Variants in USP13 observed in about 807,000 individuals in gnomAD.
USP13 encodes the protein ubiquitin carboxyl-terminal hydrolase 13.
Under a neutral mutation model 107.8 loss-of-function variants are expected in USP13, and 68 were observed. The ratio of observed to expected loss-of-function variants is 0.63; its 90% CI spans 0.52 to 0.77. The LOEUF (loss-of-function observed/expected upper bound fraction) is 0.77. Among genes scored for constraint, USP13 ranks in the 30% least tolerant of loss-of-function variants. The pLI is 0.00. For synonymous variants in USP13, 377 were observed against 389.5 expected (o/e 0.97, Z 0.38); for missense variants, 945 against 1,093.3 (o/e 0.86, Z 1.91).
intron 1 of USP13, among the ~76,000 whole-genome samples, chr3:179,664,926 A>G (rs1720543750): frequency 6.6e-6 from 1 of 152,154 alleles, no homozygotes; most frequent in South Asian, 2.1e-4. Context: ...CGTCTCTACT[A>G]AAAATACAAA....
chr3:179,758,759 A>G (rs187875527), intron 16 of USP13, among the ~76,000 whole-genome samples: 1,634 of 152,076 alleles, frequency 0.011, 27 homozygotes, highest in African/African-American at 0.037. Context: ...CGGCCTCCCA[A>G]CGTGCTGGGA....
chr3:179,694,026 C>T (rs1475625536), intron 3 of USP13, among the ~76,000 whole-genome samples: 1 of 151,412 alleles, frequency 6.6e-6, no homozygotes, highest in Non-Finnish European at 1.5e-5. Context: ...GGCTGGAGTG[C>T]AGTGGCATAA....
At chr3:179,779,555 C>A (rs1715669597) in intron 19 of USP13, among the ~76,000 whole-genome samples, 1 of 151,774 alleles carries the variant, frequency 6.6e-6, no homozygotes, top group African/African-American at 2.4e-5. Flanking sequence ...AAAAAGAGAA[C>A]AACAGAGTGC....
Position 179,754,781 on chromosome 3 carries a change from C to T in USP13, c.1848C>T (p.Ala616=). The change falls in exon 15 of 21, where the codon GCC becomes GCT. Residue 616 remains alanine, a synonymous_variant. Coordinates refer to ENST00000263966, the MANE Select transcript of USP13 (RefSeq NM_003940.3). ...PDLLDINHLR[A]RGLQPGEEEL... is the part of the protein sequence containing the mutation. ...TACTTGATATCAACCATCTCCGAGC[C>T]AGGGGGTTACAGCCAGGAGAGGAAG... is the stretch of plus-strand genomic sequence containing the variant. 2 of 1,613,436 alleles carry T rather than the reference C, an allele frequency of 1.2e-6. No homozygotes were observed. Among genetic ancestry groups the T allele is most frequent in the Non-Finnish European group, 8.5e-7 (1 of 1,179,752 alleles).
chr3:179,706,129 G>T (rs1054374894), intron 4 of USP13, among the ~76,000 whole-genome samples: 3 of 152,168 alleles, frequency 2.0e-5, no homozygotes, highest in Admixed American at 6.5e-5. Context: ...TGGTAGAATG[G>T]CTGGGTCATG....
chr3:179,779,857 A>G (rs1441882911), intron 19 of USP13, among the ~76,000 whole-genome samples: 1 of 152,150 alleles, frequency 6.6e-6, no homozygotes, highest in African/African-American at 2.4e-5. Context: ...CAGACAAGAT[A>G]TTATGGTGAC....
chr3:179,734,901 T>G (rs768511988), intron 10 of USP13, among the ~76,000 whole-genome samples: 4 of 152,240 alleles, frequency 2.6e-5, no homozygotes, highest in Non-Finnish European at 4.4e-5. Context: ...TGCTGCTTGC[T>G]TATTAATTAA....
intron 20 of USP13, among the ~76,000 whole-genome samples, chr3:179,782,038 GATATTC>G (rs1235463542): frequency 6.6e-6 from 1 of 151,730 alleles, no homozygotes; most frequent in African/African-American, 2.4e-5. Flanking sequence ...TGTGAGAGCT[GATATTC>G]AAAGCCACTT....
At chr3:179,714,014 C>T (rs1713015806) in intron 6 of USP13, among the ~76,000 whole-genome samples, 2 of 152,112 alleles carry the variant, frequency 1.3e-5, no homozygotes, top group Admixed American at 1.3e-4. Flanking sequence ...ACAAACAAAC[C>T]AAGAAGCAGA....
chr3:179,671,947 T>G (rs1454854784), intron 1 of USP13, among the ~76,000 whole-genome samples: 1 of 152,204 alleles, frequency 6.6e-6, no homozygotes, highest in African/African-American at 2.4e-5. Flanking sequence ...CAGGAGACAC[T>G]GTTCTGTAGT....
chr3:179,726,706 CT>C (rs1713527424), intron 8 of USP13, among the ~76,000 whole-genome samples: 1 of 149,306 alleles, frequency 6.7e-6, no homozygotes, highest in African/African-American at 2.5e-5. Context: ...GAGATAGGGT[CT>C]TGCTGTGTCA....
At chr3:179,657,324 G>A (rs900613482) in intron 1 of USP13, among the ~76,000 whole-genome samples, 11 of 152,096 alleles carry the variant, frequency 7.2e-5, no homozygotes, top group East Asian at 1.9e-4. Context: ...TTGACAGGAG[G>A]TGGAGGTTGC....
chr3:179,712,815 AAC>A lies in USP13; in HGVS notation c.805+3860_805+3861del, dbSNP rs560291811. 9.9e-5 allele frequency among the ~76,000 whole-genome samples: 15 copies of A among 152,200 alleles called. No homozygotes were observed. In the South Asian group the frequency reaches 1.5e-3, roughly 15 times the overall value. On this transcript the variant is annotated intron_variant, in intron 6 of 20. Coordinates refer to ENST00000263966, the MANE Select transcript of USP13 (RefSeq NM_003940.3). ...AGTTGTAATAATTTACATTCCCATC[AAC>A]AGTGTATGACAGTACCCATTTCAAC...
At chr3:179,746,540 C>G (rs1406302897) in intron 13 of USP13, among the ~76,000 whole-genome samples, 5 of 152,096 alleles carry the variant, frequency 3.3e-5, no homozygotes, top group African/African-American at 9.7e-5. Flanking sequence ...TCAAGTGATT[C>G]TCCTGCCTCA....
chr3:179,709,860 CTCTTTTT>C (rs1392174864), intron 6 of USP13, among the ~76,000 whole-genome samples: 1 of 152,144 alleles, frequency 6.6e-6, no homozygotes, highest in East Asian at 1.9e-4. Flanking sequence ...TCTCTCTTTT[CTCTTTTT>C]TCTCTGTTAT....
intron 13 of USP13, among the ~76,000 whole-genome samples, chr3:179,745,902 T>G (rs1342122581): frequency 6.6e-6 from 1 of 152,102 alleles, no homozygotes; most frequent in Non-Finnish European, 1.5e-5. Context: ...CATAAAAGTT[T>G]TTTTTTCTCC....
At chr3:179,755,100 T>C (rs1714744341) in intron 15 of USP13, among the ~76,000 whole-genome samples, 1 of 152,042 alleles carries the variant, frequency 6.6e-6, no homozygotes, top group African/African-American at 2.4e-5. Context: ...TTTTGTAGGC[T>C]CTTAGTCTAG....
At chr3:179,754,439 C>G (rs1212985204) in intron 14 of USP13, among the ~76,000 whole-genome samples, 2 of 152,180 alleles carry the variant, frequency 1.3e-5, no homozygotes, top group African/African-American at 4.8e-5. Context: ...TTTAAAATAT[C>G]AAACAGATTG....
chr3:179,747,755 A>G (rs28631566), intron 13 of USP13, among the ~76,000 whole-genome samples: 1,905 of 152,272 alleles, frequency 0.013, 23 homozygotes, highest in Middle Eastern at 0.061. Context: ...CAGTGATTCC[A>G]TCTGTAATGG....
Sources: allele counts gnomAD v4.1 joint callset (sites outside exome capture counted in the v4.1 genomes callset), GRCh38; gene constraint gnomAD v4.1.1; transcripts MANE v1.5; gene names NCBI Gene and HGNC (gene_info 2026-07-23, HGNC 2026-07-21).